Variants in SPIDR observed in about 807,000 individuals in gnomAD.
SPIDR encodes the protein DNA repair-scaffolding protein.
Under a neutral mutation model 104.6 loss-of-function variants are expected in SPIDR, and 93 were observed. The ratio of observed to expected loss-of-function variants is 0.89; its 90% CI spans 0.75 to 1.06. SPIDR has a LOEUF of 1.06. Among genes scored for constraint, SPIDR ranks in the 50% least tolerant of loss-of-function variants. The probability of loss-of-function intolerance (pLI) is 0.00; values close to 1 mark genes in which losing one functional copy is unlikely to be tolerated. For synonymous variants in SPIDR, 431 were observed against 416.9 expected, an observed-to-expected ratio of 1.03 and a Z score of -0.41; for missense variants, 1,154 against 1,111.2, an observed-to-expected ratio of 1.04 and a Z score of -0.55.
rs574484258 is a variant in SPIDR at position 47,463,544 on chromosome 8, T to TA, written c.1097+23012dup. Among the ~76,000 whole-genome samples, 517 of 148,788 alleles carry TA rather than the reference T, an allele frequency of 3.5e-3. 2 individuals carry two copies. Among genetic ancestry groups the TA allele is most frequent in the African/African-American group, 0.01 (410 of 40,618 alleles). ...TTCCCTGAGGCTAGCATTACCCTGT[T>TA]AAAAAAAAAATAGACAAAGATTTTA... On this transcript the variant is annotated intron_variant, in intron 8 of 19. Transcript: ENST00000297423.
intron 5 of SPIDR, among the ~76,000 whole-genome samples, chr8:47,336,398 A>C (rs1587225243): frequency 6.6e-6 from 1 of 152,220 alleles, no homozygotes; most frequent in Non-Finnish European, 1.5e-5. Flanking sequence ...CCAAAGAAGA[A>C]GGCTTTAATT....
intron 16 of SPIDR, among the ~76,000 whole-genome samples, chr8:47,717,805 T>C (rs1405730367): frequency 6.6e-6 from 1 of 152,206 alleles, no homozygotes. Context: ...GTCACAAAGC[T>C]CTGTTCCTGG....
intron 6 of SPIDR, among the ~76,000 whole-genome samples, chr8:47,403,643 A>C (rs2062252231): frequency 1.3e-5 from 2 of 152,320 alleles, no homozygotes; most frequent in South Asian, 4.1e-4. Context: ...TCCAACTTAC[A>C]AGGGATGTGA....
chr8:47,674,084 A>C, intron 11 of SPIDR, 143 bp downstream of exon 11: 1 of 1,010,090 alleles, frequency 9.9e-7, no homozygotes, highest in Non-Finnish European at 1.4e-6. Flanking sequence ...CCAGGAGTTG[A>C]GTGGAATCTA....
chr8:47,315,810 A>G (rs747887950), intron 5 of SPIDR, among the ~76,000 whole-genome samples: 4 of 152,318 alleles, frequency 2.6e-5, no homozygotes, highest in Non-Finnish European at 5.9e-5. Flanking sequence ...ATCTGTATGG[A>G]TGAAAGTTCA....
At chr8:47,522,669 T>A (rs554676166) in intron 8 of SPIDR, among the ~76,000 whole-genome samples, 108 of 152,326 alleles carry the variant, frequency 7.1e-4, no homozygotes, top group Middle Eastern at 6.8e-3. Context: ...ATTGCTTTGC[T>A]CTGTTAAAAA....
chr8:47,626,343 C>G (rs1418676971), intron 10 of SPIDR, among the ~76,000 whole-genome samples: 2 of 152,182 alleles, frequency 1.3e-5, no homozygotes, highest in Non-Finnish European at 2.9e-5. Flanking sequence ...GACTCCATGA[C>G]TAAAACACCC....
chr8:47,449,936 G>A (rs1277692773), intron 8 of SPIDR, among the ~76,000 whole-genome samples: 2 of 152,284 alleles, frequency 1.3e-5, no homozygotes, highest in South Asian at 2.1e-4. Flanking sequence ...TTGGGAGGCC[G>A]AGGCAGGCAG....
intron 10 of SPIDR, among the ~76,000 whole-genome samples, chr8:47,620,042 T>G (rs2064908487): frequency 6.6e-6 from 1 of 152,192 alleles, no homozygotes; most frequent in African/African-American, 2.4e-5. Context: ...AGAGGATGTA[T>G]TCATACACAT....
chr8:47,680,297 C>T (rs1312761110), intron 11 of SPIDR, among the ~76,000 whole-genome samples: 1 of 152,192 alleles, frequency 6.6e-6, no homozygotes, highest in Non-Finnish European at 1.5e-5. Context: ...GCTCAATGTC[C>T]ACCCAGTCTT....
intron 8 of SPIDR, among the ~76,000 whole-genome samples, chr8:47,530,254 G>A (rs2085728968): frequency 6.6e-6 from 1 of 152,132 alleles, no homozygotes; most frequent in South Asian, 2.1e-4. Context: ...GATAACTTGA[G>A]GCCAGGAGTT....
chr8:47,339,557 C>G (rs2050342850), intron 5 of SPIDR, among the ~76,000 whole-genome samples: 1 of 151,722 alleles, frequency 6.6e-6, no homozygotes, highest in African/African-American at 2.4e-5. Flanking sequence ...AAAAAACCCA[C>G]AAGATAAGGA....
chr8:47,553,736 CCTT>C (rs1269707972), intron 8 of SPIDR, among the ~76,000 whole-genome samples: 2 of 152,208 alleles, frequency 1.3e-5, no homozygotes, highest in African/African-American at 4.8e-5. Flanking sequence ...TCATCTGAAG[CCTT>C]CTTCTCTCAG....
At chr8:47,308,358 C>T (rs930031124) in intron 5 of SPIDR, among the ~76,000 whole-genome samples, 4 of 150,274 alleles carry the variant, frequency 2.7e-5, no homozygotes, top group African/African-American at 4.9e-5. Context: ...CTACCATGCC[C>T]GGCCTGCTGT....
At position 47,579,684 on chromosome 8, in the gene SPIDR, A is replaced by G. The variant is rs2059509896; in HGVS notation, c.1098-16127A>G. Among the ~76,000 whole-genome samples, 11 of 152,274 alleles carry G rather than the reference A, an allele frequency of 7.2e-5. No homozygotes were observed. The South Asian group carries it at 2.3e-3, about 32-fold the overall frequency. ...AACTGCCTAACACTTGATAACTGTC[A>G]GCAGATAGAGAAGCATAGTTTCCTC... On this transcript the variant is annotated intron_variant, in intron 8 of 19. Coordinates refer to ENST00000297423, the MANE Select transcript of SPIDR (RefSeq NM_001080394.4).
At chr8:47,554,546 G>A (rs1249449481) in intron 8 of SPIDR, among the ~76,000 whole-genome samples, 1 of 152,204 alleles carries the variant, frequency 6.6e-6, no homozygotes, top group East Asian at 1.9e-4. Context: ...GGAACCCTCT[G>A]AGCCATGCGC....
At position 47,315,113 on chromosome 8, in the gene SPIDR, G is replaced by T. The variant is rs183683325; in HGVS notation, c.525+21083G>T. Among the ~76,000 whole-genome samples, 428 of 152,234 alleles carry T rather than the reference G, an allele frequency of 2.8e-3. 3 individuals are homozygous for T. Among genetic ancestry groups the T allele is most frequent in the African/African-American group, 9.5e-3 (395 of 41,536 alleles). On this transcript the variant is annotated intron_variant, in intron 5 of 19. Transcript: ENST00000297423. ...TTGTATATACCTAATAAGATCTACAGTCATAGGTGGAAATTTTAACACTAC... is the reference window on the plus strand; with the variant it reads ...TTGTATATACCTAATAAGATCTACATTCATAGGTGGAAATTTTAACACTAC...
intron 8 of SPIDR, among the ~76,000 whole-genome samples, chr8:47,452,576 G>A (rs1386516550): frequency 8.5e-5 from 13 of 152,056 alleles, no homozygotes; most frequent in East Asian, 1.9e-4. Context: ...ATCAATAAAC[G>A]TAATCCAGCA....
chr8:47,717,782 G>GT (rs1395838098), intron 16 of SPIDR, among the ~76,000 whole-genome samples: 6 of 152,204 alleles, frequency 3.9e-5, no homozygotes, highest in African/African-American at 1.2e-4. Context: ...GTAATCAATA[G>GT]GCAGTTTGAT....
Sources: gnomAD v4.1 joint callset for allele counts (sites outside exome capture counted in the v4.1 genomes callset) on GRCh38, gnomAD v4.1.1 for gene constraint, MANE v1.5 for transcripts, NCBI Gene and HGNC (gene_info 2026-07-23, HGNC 2026-07-21) for gene names.